NRXN3: variants seen among roughly 807,000 people sequenced by gnomAD.
NRXN3 encodes neurexin III.
Under a neutral mutation model 137.6 loss-of-function variants are expected in NRXN3, and 32 were observed. That is an observed-to-expected ratio of 0.23 (90% CI 0.18 to 0.31). The LOEUF (loss-of-function observed/expected upper bound fraction) is 0.31, where lower values mean the gene tolerates loss of function less well. Among genes scored for constraint, NRXN3 ranks in the 10% least tolerant of loss-of-function variants. The pLI, the probability that NRXN3 is intolerant of heterozygous loss-of-function variation, is 1.00. For missense variants in NRXN3, 1,574 were observed against 2,062.5 expected, an observed-to-expected ratio of 0.76 and a Z score of 4.59; for synonymous variants, 798 against 784.5, an observed-to-expected ratio of 1.02 and a Z score of -0.29.
At chr14:79,649,166 G>A (rs1274060483) in intron 16 of NRXN3, among the ~76,000 whole-genome samples, 1 of 152,000 alleles carries the variant, frequency 6.6e-6, no homozygotes, top group Non-Finnish European at 1.5e-5. Context: ...GAACCCATAA[G>A]TATCACTGAA....
At chr14:79,240,300 C>T (rs968263452) in intron 15 of NRXN3, among the ~76,000 whole-genome samples, 4 of 151,962 alleles carry the variant, frequency 2.6e-5, no homozygotes, top group African/African-American at 7.2e-5. Context: ...TAGAAAAATG[C>T]ACTCCTGCCC....
chr14:78,611,675 G>A (rs2097302127), intron 4 of NRXN3, among the ~76,000 whole-genome samples: 1 of 152,176 alleles, frequency 6.6e-6, no homozygotes, highest in Non-Finnish European at 1.5e-5. Context: ...CAGCTGCATT[G>A]CAAGTCAGAT....
rs545399041 is a variant in NRXN3 at position 79,454,286 on chromosome 14, G to T, written c.3263-12935G>T. ...TTTAGTAGAGACGGGGTTTCACCAT[G>T]TTGGCCACGATGGTCTCGATCTCCT... On this transcript the variant is annotated intron_variant, in intron 15 of 20. Coordinates refer to ENST00000335750, the MANE Select transcript of NRXN3 (RefSeq NM_001330195.2). Among the ~76,000 whole-genome samples, 8 of 152,176 alleles carry T rather than the reference G, an allele frequency of 5.3e-5. No individual in the cohort carries two copies. The South Asian group carries it at 1.7e-3, about 32-fold the overall frequency.
intron 15 of NRXN3, among the ~76,000 whole-genome samples, chr14:79,236,309 G>GTA (rs202044104): frequency 3.8e-4 from 58 of 151,118 alleles, no homozygotes; most frequent in East Asian, 1.4e-3. Flanking sequence ...ATATAGGTAG[G>GTA]TATATATATA....
At chr14:78,186,062 C>T (rs2060203417) in intron 1 of NRXN3, among the ~76,000 whole-genome samples, 1 of 152,194 alleles carries the variant, frequency 6.6e-6, no homozygotes, top group South Asian at 2.1e-4. Context: ...AGGACACTGC[C>T]TGGCTGACAC....
At chr14:78,959,166 G>A (rs1270366462) in intron 11 of NRXN3, among the ~76,000 whole-genome samples, 1 of 152,114 alleles carries the variant, frequency 6.6e-6, no homozygotes, top group East Asian at 1.9e-4. Flanking sequence ...TGTGTGTAGA[G>A]AAGGATAGCC....
intron 4 of NRXN3, among the ~76,000 whole-genome samples, chr14:78,532,698 A>T (rs1200428345): frequency 6.6e-6 from 1 of 150,946 alleles, no homozygotes; most frequent in Non-Finnish European, 1.5e-5. Flanking sequence ...TTGACGCCAC[A>T]TCTCTTTAGC....
rs529548301 is a variant in NRXN3 at position 79,557,273 on chromosome 14, C to T, written c.3444+89871C>T. ...ACATTCAGGCTGCTGTAGCACAATA[C>T]CTTAGCGTGAGCAAAGGAAGTTAAA... On this transcript the variant is annotated intron_variant, in intron 16 of 20. Coordinates refer to ENST00000335750, the MANE Select transcript of NRXN3 (RefSeq NM_001330195.2). 9.2e-5 allele frequency among the ~76,000 whole-genome samples: 14 copies of T among 151,684 alleles called. No individual in the cohort carries two copies. The East Asian group carries it at 2.4e-3, about 26-fold the overall frequency.
intron 15 of NRXN3, among the ~76,000 whole-genome samples, chr14:79,187,453 C>T (rs2063672351): frequency 6.6e-6 from 1 of 152,138 alleles, no homozygotes; most frequent in South Asian, 2.1e-4. Flanking sequence ...GGAGCTAAAA[C>T]AGATTAAATG....
At chr14:78,237,869 G>A (rs374515673) in intron 1 of NRXN3, among the ~76,000 whole-genome samples, 353 of 152,318 alleles carry the variant, frequency 2.3e-3, no homozygotes, top group Non-Finnish European at 3.9e-3. Context: ...GTCATAGGAA[G>A]CTTCTGGAAG....
chr14:79,618,443 T>C (rs1421031442), intron 16 of NRXN3, among the ~76,000 whole-genome samples: 2 of 152,138 alleles, frequency 1.3e-5, no homozygotes, highest in Non-Finnish European at 2.9e-5. Flanking sequence ...TATGTGGTAT[T>C]TGGTTTTCTG....
At chr14:79,429,943 T>C (rs1257357500) in intron 15 of NRXN3, among the ~76,000 whole-genome samples, 1 of 151,988 alleles carries the variant, frequency 6.6e-6, no homozygotes. Flanking sequence ...AGGTTGCCTA[T>C]AAGTTATTCA....
At chr14:79,108,672 T>C (rs2052912859) in intron 15 of NRXN3, among the ~76,000 whole-genome samples, 1 of 152,140 alleles carries the variant, frequency 6.6e-6, no homozygotes, top group Non-Finnish European at 1.5e-5. Flanking sequence ...TGCCACCAAA[T>C]GGAATAAAAT....
chr14:78,942,820 T>C (rs1432410077), intron 10 of NRXN3, among the ~76,000 whole-genome samples: 1 of 152,196 alleles, frequency 6.6e-6, no homozygotes, highest in Non-Finnish European at 1.5e-5. Flanking sequence ...GATATGCTAA[T>C]CACCCTGATC....
chr14:79,241,274 T>C (rs1041686886), intron 15 of NRXN3, among the ~76,000 whole-genome samples: 5 of 152,082 alleles, frequency 3.3e-5, no homozygotes, highest in African/African-American at 1.2e-4. Flanking sequence ...CTTAGTTTCA[T>C]CAAAAAGAGA....
chr14:79,268,426 C>G (rs1485404281), intron 15 of NRXN3, among the ~76,000 whole-genome samples: 1 of 152,210 alleles, frequency 6.6e-6, no homozygotes, highest in Non-Finnish European at 1.5e-5. Context: ...TTCTGCTTCT[C>G]TAGGTCACCT....
intron 10 of NRXN3, among the ~76,000 whole-genome samples, chr14:78,906,436 A>C (rs1379599155): frequency 6.6e-6 from 1 of 151,968 alleles, no homozygotes; most frequent in East Asian, 1.9e-4. Context: ...TCCTGACACC[A>C]CTCAAATATC....
intron 16 of NRXN3, among the ~76,000 whole-genome samples, chr14:79,531,458 T>C (rs1292738170): frequency 6.6e-6 from 1 of 152,150 alleles, no homozygotes; most frequent in Non-Finnish European, 1.5e-5. Flanking sequence ...AGTATCCAGG[T>C]ATGGAAAAGG....
At chr14:78,267,183 T>C (rs1459350027) in intron 2 of NRXN3, among the ~76,000 whole-genome samples, 1 of 152,198 alleles carries the variant, frequency 6.6e-6, no homozygotes, top group Non-Finnish European at 1.5e-5. Flanking sequence ...TCATTAAGCA[T>C]TTTATATACA....
Sources: allele counts gnomAD v4.1 joint callset (sites outside exome capture counted in the v4.1 genomes callset), GRCh38; gene constraint gnomAD v4.1.1; transcripts MANE v1.5; gene names NCBI Gene and HGNC (gene_info 2026-07-23, HGNC 2026-07-21).